Variants in EEPD1 observed in about 807,000 individuals in gnomAD.
EEPD1 encodes endonuclease/exonuclease/phosphatase family domain-containing protein 1.
A neutral mutation model predicts 46.3 loss-of-function variants in EEPD1; 17 were observed. The observed-to-expected ratio is 0.37, with a 90% CI of 0.25 to 0.55. The LOEUF (loss-of-function observed/expected upper bound fraction) is 0.55, where lower values mean the gene tolerates loss of function less well. Among genes scored for constraint, EEPD1 ranks in the 20% least tolerant of loss-of-function variants. The pLI is 0.83. For missense variants in EEPD1, 673 were observed against 745.6 expected (o/e 0.90, Z 1.13); for synonymous variants, 313 against 315.6 (o/e 0.99, Z 0.09).
In EEPD1 at chr7:36,154,512, G is replaced by A. The variant is rs755936310; in HGVS notation, c.188G>A (p.Ser63Asn). The change falls in exon 2 of 8, where the codon AGC becomes AAC. Residue 63 changes from serine to asparagine, a missense_variant. Ser to Asn is a conservative substitution (Grantham distance 46). Coordinates refer to ENST00000242108, the MANE Select transcript of EEPD1 (RefSeq NM_030636.3). The surrounding 1 kb of genome is among the most constrained non-coding windows in gnomAD (Gnocchi z 4.2). ...LPGVTRAVAR[S>N]IVEYREYIGG... is the part of the protein sequence containing the mutation. ...GGGGTGACGCGTGCCGTGGCACGCA[G>A]CATCGTGGAGTACCGAGAGTATATC... 7 of 1,614,110 alleles carry A rather than the reference G, an allele frequency of 4.3e-6. No individual in the cohort carries two copies. Among genetic ancestry groups the A allele is most frequent in the South Asian group, 1.1e-5 (1 of 91,090 alleles).
intron 2 of EEPD1, among the ~76,000 whole-genome samples, chr7:36,210,550 C>T (rs4349900): frequency 1.3e-5 from 2 of 151,970 alleles, no homozygotes; most frequent in Admixed American, 1.3e-4. Flanking sequence ...CTGGCTGCTT[C>T]TGTCATCCTG....
chr7:36,213,649 C>CT (rs1348324987), intron 2 of EEPD1, among the ~76,000 whole-genome samples: 2 of 152,298 alleles, frequency 1.3e-5, no homozygotes, highest in African/African-American at 4.8e-5. Flanking sequence ...CAGGCCAGCT[C>CT]TAACTCCAGA....
chr7:36,219,452 T>C (rs187927846), intron 2 of EEPD1, among the ~76,000 whole-genome samples: 142 of 149,670 alleles, frequency 9.5e-4, no homozygotes, highest in Admixed American at 1.0e-3. Context: ...GGCAAGAGGA[T>C]TGCTTGAGTT....
At position 36,300,108 on chromosome 7, in the gene EEPD1, T is replaced by G. The variant is rs1006060291; in HGVS notation, c.*902T>G. 1.3e-5 allele frequency: 2 copies of G among 152,474 alleles called. No individual in the cohort carries two copies. Among genetic ancestry groups the G allele is most frequent in the East Asian group, 3.9e-4 (2 of 5,184 alleles). The allele number at this position is 152,474 out of a possible 1,614,324, so 9.4% of individuals were successfully genotyped here. On this transcript the variant is annotated 3_prime_UTR_variant, in exon 8 of 8. Coordinates refer to ENST00000242108, the MANE Select transcript of EEPD1 (RefSeq NM_030636.3). Reference sequence around the variant, plus strand: ...TCCCTCCTCCCCACTCACTCCAGTTTTTAGCCCGGAGCCTCCTGTGGTTGA... The same window carrying G: ...TCCCTCCTCCCCACTCACTCCAGTTGTTAGCCCGGAGCCTCCTGTGGTTGA...
At chr7:36,191,205 G>T (rs1412083103) in intron 2 of EEPD1, among the ~76,000 whole-genome samples, 2 of 152,196 alleles carry the variant, frequency 1.3e-5, no homozygotes, top group East Asian at 3.8e-4. Context: ...GGATGACTTG[G>T]GTCCTGGTCC....
chr7:36,258,673 C>T (rs999468780), intron 3 of EEPD1, among the ~76,000 whole-genome samples: 1 of 152,098 alleles, frequency 6.6e-6, no homozygotes, highest in African/African-American at 2.4e-5. Flanking sequence ...CGCCCCTCCC[C>T]CCACCAGCTC....
chr7:36,269,624 G>A (rs1787071806), intron 3 of EEPD1, among the ~76,000 whole-genome samples: 2 of 152,248 alleles, frequency 1.3e-5, no homozygotes, highest in East Asian at 1.9e-4. Context: ...GGCTGGGTGC[G>A]GTGGCTCACG....
At chr7:36,236,028 A>G (rs2726098) in intron 2 of EEPD1, among the ~76,000 whole-genome samples, 134,124 of 151,808 alleles carry the variant, frequency 0.88, 59,892 homozygotes, top group Non-Finnish European at 0.95. Flanking sequence ...GGGCTCAAGA[A>G]ATTCTCCTAC....
chr7:36,235,185 C>T (rs1786411945), intron 2 of EEPD1, among the ~76,000 whole-genome samples: 1 of 150,918 alleles, frequency 6.6e-6, no homozygotes, highest in Non-Finnish European at 1.5e-5. Flanking sequence ...CAGGTTTCCC[C>T]CACAGCCTCC....
intron 2 of EEPD1, among the ~76,000 whole-genome samples, chr7:36,156,831 GGCAA>G: frequency 6.6e-6 from 1 of 152,332 alleles, no homozygotes; most frequent in Non-Finnish European, 1.5e-5. Context: ...CTAGGTGTTA[GGCAA>G]TCAGCTGTCC....
At chr7:36,206,025 C>T (rs1785810743) in intron 2 of EEPD1, among the ~76,000 whole-genome samples, 1 of 152,200 alleles carries the variant, frequency 6.6e-6, no homozygotes, top group South Asian at 2.1e-4. Context: ...ATTCAGGCCC[C>T]AGATGACATG....
chr7:36,297,206 G>C lies in EEPD1; in HGVS notation c.1510+19G>C. On this transcript the variant is annotated intron_variant, in intron 7 of 7. Transcript: ENST00000242108. ...TTCACAGGTGAGGCAGAACTCACTT[G>C]TCCTTTCTCCTGTTCAGGAATGGAG... The C allele has an allele frequency of 1.9e-6, 3 of 1,612,510 alleles. No homozygotes were observed. The highest frequency in any genetic ancestry group is 2.2e-5 in the South Asian group (2 of 90,776).
At chr7:36,210,890 T>C (rs1180443700) in intron 2 of EEPD1, among the ~76,000 whole-genome samples, 1 of 152,192 alleles carries the variant, frequency 6.6e-6, no homozygotes, top group East Asian at 1.9e-4. Context: ...TTACACACTT[T>C]ATTTATAGTG....
intron 3 of EEPD1, among the ~76,000 whole-genome samples, chr7:36,257,780 G>C (rs1786850502): frequency 6.6e-6 from 1 of 152,080 alleles, no homozygotes; most frequent in South Asian, 2.1e-4. Flanking sequence ...TGCTCCTTTA[G>C]CTCGGAGGAG....
At chr7:36,235,962 T>G (rs1562696693) in intron 2 of EEPD1, among the ~76,000 whole-genome samples, 1 of 150,992 alleles carries the variant, frequency 6.6e-6, no homozygotes, top group Non-Finnish European at 1.5e-5. Flanking sequence ...TCTCGCTCTG[T>G]CACCCAGGCT....
intron 2 of EEPD1, among the ~76,000 whole-genome samples, chr7:36,165,317 G>T (rs910235591): frequency 6.6e-6 from 1 of 150,590 alleles, no homozygotes; most frequent in South Asian, 2.1e-4. Context: ...TACCATGTAG[G>T]TTTATAGCCT....
At chr7:36,160,890 A>G (rs574562072) in intron 2 of EEPD1, among the ~76,000 whole-genome samples, 56 of 152,282 alleles carry the variant, frequency 3.7e-4, no homozygotes, top group African/African-American at 1.3e-3. Context: ...TCTATGAGAT[A>G]GGTGCAGAGG....
chr7:36,301,066 C>T lies in EEPD1; in HGVS notation c.*1860C>T, dbSNP rs1046455. ...ATCCCTTTAGCCAGATTGCTTTTTGCAACCAAAGCTGTGGACAGAAAAGCC... is the reference window on the plus strand; with the variant it reads ...ATCCCTTTAGCCAGATTGCTTTTTGTAACCAAAGCTGTGGACAGAAAAGCC... On this transcript the variant is annotated 3_prime_UTR_variant, in exon 8 of 8. Transcript: ENST00000242108. The T allele has an allele frequency of 0.35, 53,153 of 152,126 alleles. 10,384 individuals are homozygous for T. The highest frequency in any genetic ancestry group is 0.48 in the Middle Eastern group (142 of 294). The allele number at this position is 152,126 out of a possible 1,614,324, so 9.4% of individuals were successfully genotyped here.
At chr7:36,289,585 C>G (rs1787394582) in intron 6 of EEPD1, among the ~76,000 whole-genome samples, 1 of 152,228 alleles carries the variant, frequency 6.6e-6, no homozygotes, top group Admixed American at 6.5e-5. Flanking sequence ...AGCTCCGCCT[C>G]CCGGGTTCAC....
Sources: allele counts gnomAD v4.1 joint callset (sites outside exome capture counted in the v4.1 genomes callset), GRCh38; gene constraint gnomAD v4.1.1; non-coding constraint Gnocchi (gnomAD v3.1); transcripts MANE v1.5; gene names NCBI Gene and HGNC (gene_info 2026-07-23, HGNC 2026-07-21).